Variants in COL16A1 observed in about 807,000 individuals in gnomAD.
The protein encoded by COL16A1 is collagen type XVI alpha 1 chain.
In COL16A1, 189 loss-of-function variants were observed where a neutral mutation model predicts 266.3. The ratio of observed to expected loss-of-function variants is 0.71; its 90% confidence interval spans 0.63 to 0.80. The LOEUF (loss-of-function observed/expected upper bound fraction) is 0.80, where lower values mean the gene tolerates loss of function less well. COL16A1 is among the 30% of genes least tolerant of loss of function. COL16A1 has a pLI of 0.00. For missense variants in COL16A1, 1,928 were observed against 2,122.4 expected, an observed-to-expected ratio of 0.91 and a Z score of 1.80; for synonymous variants, 740 against 782.3, an observed-to-expected ratio of 0.95 and a Z score of 0.90.
rs1046499082 is a variant in COL16A1, at chr1:31,691,595, C to T, written c.1302+3G>A. The T allele has an allele frequency of 1.2e-6, 2 of 1,613,918 alleles. No individual in the cohort carries two copies. Among genetic ancestry groups the T allele is most frequent in the East Asian group, 2.2e-5 (1 of 44,874 alleles). On this transcript the variant is annotated splice_donor_region_variant and intron_variant, in intron 18 of 70. Transcript: ENST00000373672. ...CTCCACCCCACAAACATCCACAACTCACCTTCTGCCCTTTGGGCCCAATGA... is the reference window on the plus strand; with the variant it reads ...CTCCACCCCACAAACATCCACAACTTACCTTCTGCCCTTTGGGCCCAATGA...
At position 31,664,803 on chromosome 1, in the gene COL16A1, C is replaced by T. The variant is rs1320995739; in HGVS notation, c.3555+369G>A. On this transcript the variant is annotated intron_variant, in intron 56 of 70. Transcript: ENST00000373672. This position sits in a 1 kb window ranked among gnomAD's most constrained non-coding sequence, Gnocchi z 5.5. The stretch of plus-strand genomic sequence containing the variant: ...GCTTCCCCCTTCTCTCAGCTCCTCG[C>T]TCATCCTCCCGCCCAGGAGACGAAG... 1.3e-5 allele frequency among the ~76,000 whole-genome samples: 2 copies of T among 152,150 alleles called. No individual in the cohort carries two copies. Among genetic ancestry groups the T allele is most frequent in the Non-Finnish European group, 2.9e-5 (2 of 68,036 alleles).
rs924370907 is a variant in COL16A1, at chr1:31,658,432, C to A, written c.4020+56G>T. On this transcript the variant is annotated intron_variant, in intron 64 of 70. Transcript: ENST00000373672. ...GATATGTTGTGCTGTGCTCAACAGG[C>A]CTTGAGCCAATTGACTCTTTCCCCC... is the stretch of plus-strand genomic sequence containing the variant. 7.8e-6 allele frequency: 11 copies of A among 1,410,380 alleles called. No individual in the cohort carries two copies. In the African/African-American group the frequency reaches 1.5e-4, roughly 20 times the overall value. 87.4% of individuals were successfully genotyped at this position (1,410,380 alleles called of 1,614,324 possible).
At chr1:31,654,322 C>T (rs919909457) in intron 68 of COL16A1, among the ~76,000 whole-genome samples, 3 of 152,200 alleles carry the variant, frequency 2.0e-5, no homozygotes, top group African/African-American at 7.2e-5. Context: ...GAATAAAGTC[C>T]GCATTCCTTG....
rs1046185153 is a variant in COL16A1, at chr1:31,670,444, C to T, written c.3195+158G>A. Reference sequence around the variant, plus strand: ...GAGACTGGGAGGATGTCCAAGCTGCCGGGACCTCAGAGAACCCGTGTCGTT... The same window carrying T: ...GAGACTGGGAGGATGTCCAAGCTGCTGGGACCTCAGAGAACCCGTGTCGTT... On this transcript the variant is annotated intron_variant, in intron 49 of 70. Coordinates refer to ENST00000373672, the MANE Select transcript of COL16A1 (RefSeq NM_001856.4). This position sits in a 1 kb window ranked among gnomAD's most constrained non-coding sequence, Gnocchi z 4.5. 5.1e-5 allele frequency: 47 copies of T among 926,388 alleles called. No homozygotes were observed. The highest frequency in any genetic ancestry group is 1.3e-4 in the Admixed American group (3 of 23,412). 57.4% of individuals were successfully genotyped at this position (926,388 alleles called of 1,614,324 possible). A position where few individuals can be genotyped will look rare whatever the true frequency, so the allele number is the denominator to read the frequency against.
Position 31,668,589 on chromosome 1 carries a change from G to T in COL16A1, c.3249+213C>A, listed in dbSNP as rs1642355151. Among the ~76,000 whole-genome samples, 1 of 152,118 alleles carries T rather than the reference G, an allele frequency of 6.6e-6. No homozygotes were observed. Among genetic ancestry groups the T allele is most frequent in the Non-Finnish European group, 1.5e-5 (1 of 68,018 alleles). ...GAGGACAGGGGCTGTGCATGCTTCT[G>T]GCAGGGAGTCAGGGCACATGGAGAT... is the stretch of plus-strand genomic sequence containing the variant. On this transcript the variant is annotated intron_variant, in intron 50 of 70. Coordinates refer to ENST00000373672, the MANE Select transcript of COL16A1 (RefSeq NM_001856.4). This position sits in a 1 kb window ranked among gnomAD's most constrained non-coding sequence, Gnocchi z 5.8.
chr1:31,676,736 T>A (rs1255758491), intron 42 of COL16A1, among the ~76,000 whole-genome samples: 1 of 152,190 alleles, frequency 6.6e-6, no homozygotes, highest in Non-Finnish European at 1.5e-5. Context: ...GCATATTAAA[T>A]ACTCCATGGA....
chr1:31,676,152 C>G (rs1037330738), intron 42 of COL16A1, among the ~76,000 whole-genome samples: 2 of 152,040 alleles, frequency 1.3e-5, no homozygotes. Flanking sequence ...TGGCGAAACC[C>G]CGTCTCTTCT....
Position 31,661,138 on chromosome 1 carries a change from G to A in COL16A1, c.3772-19C>T. The A allele has an allele frequency of 6.4e-7, 1 of 1,558,682 alleles. No individual in the cohort carries two copies. Among genetic ancestry groups the A allele is most frequent in the Non-Finnish European group, 8.7e-7 (1 of 1,150,320 alleles). On this transcript the variant is annotated intron_variant, in intron 60 of 70. Coordinates refer to ENST00000373672, the MANE Select transcript of COL16A1 (RefSeq NM_001856.4). The stretch of plus-strand genomic sequence containing the variant: ...AGTCACCCTAGAAGAGAGAGGAGCA[G>A]CTGGAGCTTACCAGACCTTCACTTG...
In COL16A1 at chr1:31,657,033, C is replaced by T. The variant is rs745760731; in HGVS notation, c.4056G>A (p.Glu1352=). Residue 1352 remains glutamate, a splice_region_variant and synonymous_variant, in exon 65 of 71, where the codon GAG becomes GAA. Coordinates refer to ENST00000373672, the MANE Select transcript of COL16A1 (RefSeq NM_001856.4). The surrounding 1 kb of genome is among the most constrained non-coding windows in gnomAD (Gnocchi z 6.4). ...EPGTDGAAGK[E]GPPGKQGFYG... is the part of the protein sequence containing the mutation. Reference sequence around the variant, plus strand: ...ACAGAGAAGACCAGTACAACTGTACCTCTTTGCCAGCTGCACCATCCGTAC... The same window carrying T: ...ACAGAGAAGACCAGTACAACTGTACTTCTTTGCCAGCTGCACCATCCGTAC... 8 of 1,614,012 alleles carry T rather than the reference C, an allele frequency of 5.0e-6. No individual in the cohort carries two copies. The highest frequency in any genetic ancestry group is 6.8e-6 in the Non-Finnish European group (8 of 1,180,026).
intron 42 of COL16A1, among the ~76,000 whole-genome samples, chr1:31,678,503 G>A (rs1213245586): frequency 6.6e-6 from 1 of 152,186 alleles, no homozygotes; most frequent in Non-Finnish European, 1.5e-5. Flanking sequence ...ATACTCCATC[G>A]CTCAGAGCCT....
At chr1:31,692,708 C>G (rs1464075837) in intron 14 of COL16A1, 59 bp downstream of exon 14, 2 of 1,612,996 alleles carry the variant, frequency 1.2e-6, no homozygotes, top group African/African-American at 2.7e-5. Context: ...AGCGCACAGT[C>G]CCTCCCCAGG....
chr1:31,658,336 A>C, intron 64 of COL16A1, 152 bp downstream of exon 64: 1 of 705,672 alleles, frequency 1.4e-6, no homozygotes, highest in African/African-American at 1.8e-5. Flanking sequence ...CAAATTCAGC[A>C]TGATCCTCAG....
rs529307229 is a variant in COL16A1 at position 31,699,537 on chromosome 1, C to T, written c.266+276G>A. Reference sequence around the variant, plus strand: ...ACGCACATGACTCTTGCCAGGTTCCCGCCCACATCCTGTGTTCTCACAGTG... The same window carrying T: ...ACGCACATGACTCTTGCCAGGTTCCTGCCCACATCCTGTGTTCTCACAGTG... On this transcript the variant is annotated intron_variant, in intron 4 of 70. Coordinates refer to ENST00000373672, the MANE Select transcript of COL16A1 (RefSeq NM_001856.4). Among the ~76,000 whole-genome samples the T allele has an allele frequency of 6.2e-4, 94 of 152,310 alleles. 2 individuals are homozygous for T. The South Asian group carries it at 0.015, about 25-fold the overall frequency.
rs138092960 is a variant in COL16A1, at chr1:31,655,571, C to T, written c.4102-69G>A. 1,692 of 1,582,184 alleles carry T rather than the reference C, an allele frequency of 1.1e-3. 17 individuals carry two copies. The African/African-American group carries it at 0.021, about 19-fold the overall frequency. ...GTCTCACCAATCTGCTCTTTTCTCT[C>T]CACCCTCCCACCAGGCCCCCAGCGT... On this transcript the variant is annotated intron_variant, in intron 66 of 70. Coordinates refer to ENST00000373672, the MANE Select transcript of COL16A1 (RefSeq NM_001856.4).
At chr1:31,682,502 C>A (rs1286755049) in intron 37 of COL16A1, among the ~76,000 whole-genome samples, 1 of 152,196 alleles carries the variant, frequency 6.6e-6, no homozygotes, top group East Asian at 1.9e-4. Flanking sequence ...CGTTTCCATC[C>A]TCATAGACAG....
chr1:31,687,237 C>CTGAGT (rs1644023533), intron 26 of COL16A1, among the ~76,000 whole-genome samples: 1 of 152,088 alleles, frequency 6.6e-6, no homozygotes, highest in Non-Finnish European at 1.5e-5. Flanking sequence ...CAAAAATTAG[C>CTGAGT]TGAGTGTGGT....
rs781343297 is a variant in COL16A1, at chr1:31,697,906, C to G, written c.657G>C (p.Ser219=). 4 of 1,608,518 alleles carry G rather than the reference C, an allele frequency of 2.5e-6. No individual in the cohort carries two copies. Among genetic ancestry groups the G allele is most frequent in the Non-Finnish European group, 3.4e-6 (4 of 1,177,266 alleles). The change falls in exon 6 of 71, where the codon TCG becomes TCC. Residue 219 remains serine, a splice_region_variant and synonymous_variant. Transcript: ENST00000373672. This position sits in a 1 kb window ranked among gnomAD's most constrained non-coding sequence, Gnocchi z 4.2. The part of the protein sequence containing the change: ...GLDAEQGKPV[S]FDLQQVHIYC... ...GGTCAGGGCCTGACCTAGCACTCAC[C>G]GAGACAGGCTTGCCCTGCTCAGCAT... is the stretch of plus-strand genomic sequence containing the variant.
In COL16A1 at chr1:31,669,873, C is replaced by G. The variant is rs538779560; in HGVS notation, c.3195+729G>C. ...TGGCAGAAGGAGCCGGCCAAGGTGC[C>G]GGGCACAGAGGGGCAGGGCCGCACG... On this transcript the variant is annotated intron_variant, in intron 49 of 70. Transcript: ENST00000373672. 3 of 152,538 alleles carry G rather than the reference C, an allele frequency of 2.0e-5. No individual in the cohort carries two copies. The East Asian group carries it at 5.8e-4, about 29-fold the overall frequency. The allele number at this position is 152,538 out of a possible 1,614,324, so 9.4% of individuals were successfully genotyped here. A position where few individuals can be genotyped will look rare whatever the true frequency, so the allele number is the denominator to read the frequency against.
Position 31,680,075 on chromosome 1 carries a change from G to C in COL16A1, c.2637C>G (p.Pro879=), listed in dbSNP as rs767079555. The part of the protein sequence containing the change: ...EKGEPGECSC[P]SQGDLIFSGM... ...CAGAGAAGATGAGGTCTCCTTGAGA[G>C]GGGCAGGAGCACTCCCCTGGCTCAC... Residue 879 remains proline (P), a synonymous_variant, in exon 40 of 71, where the codon CCC becomes CCG. Transcript: ENST00000373672. 4.3e-6 allele frequency: 7 copies of C among 1,613,808 alleles called. No homozygotes were observed. The African/African-American group carries it at 8.0e-5, about 18-fold the overall frequency.
Sources: gnomAD v4.1 joint callset for allele counts (sites outside exome capture counted in the v4.1 genomes callset) on GRCh38, gnomAD v4.1.1 for gene constraint, Gnocchi (gnomAD v3.1) non-coding constraint, MANE v1.5 for transcripts, NCBI Gene and HGNC (gene_info 2026-07-23, HGNC 2026-07-21) for gene names.